Variants in DISP1 observed in about 807,000 individuals in gnomAD.
The protein encoded by DISP1 is protein dispatched homolog 1.
DISP1 carries 30 observed loss-of-function variants against 37.3 expected under a neutral mutation model. That is an observed-to-expected ratio of 0.80 (90% CI 0.60 to 1.09). DISP1 has a LOEUF of 1.09. Among genes scored for constraint, DISP1 ranks in the 50% least tolerant of loss-of-function variants. The pLI, the probability that DISP1 is intolerant of heterozygous loss-of-function variation, is 0.00. For missense variants in DISP1, 1,598 were observed against 1,879.5 expected, an observed-to-expected ratio of 0.85 and a Z score of 2.77; for synonymous variants, 634 against 690.2, an observed-to-expected ratio of 0.92 and a Z score of 1.28.
At chr1:222,907,950 A>C (rs1671995470) in intron 1 of DISP1, among the ~76,000 whole-genome samples, 1 of 152,150 alleles carries the variant, frequency 6.6e-6, no homozygotes, top group East Asian at 1.9e-4. Context: ...CTCCATCTCA[A>C]AATAAATAAA....
intron 3 of DISP1, among the ~76,000 whole-genome samples, chr1:222,977,244 GGCT>G (rs1259875096): frequency 6.6e-6 from 1 of 151,696 alleles, no homozygotes; most frequent in African/African-American, 2.4e-5. Context: ...ATGTTGGTCA[GGCT>G]GCTCTTGAAC....
chr1:222,868,525 T>G (rs1015397905), intron 1 of DISP1, among the ~76,000 whole-genome samples: 1 of 152,160 alleles, frequency 6.6e-6, no homozygotes, highest in Admixed American at 6.5e-5. Context: ...TATTAACTTT[T>G]TCTTCATTTA....
intron 4 of DISP1, chr1:222,989,665 T>A: frequency 1.5e-6 from 1 of 658,162 alleles, no homozygotes; most frequent in Non-Finnish European, 1.9e-6. Flanking sequence ...AGATGTTTGT[T>A]CATTTAGTCA....
chr1:222,989,583 G>A lies in DISP1; in HGVS notation c.540-1042G>A, dbSNP rs186978252. On this transcript the variant is annotated intron_variant, in intron 4 of 8. Coordinates refer to ENST00000675850, the MANE Select transcript of DISP1 (RefSeq NM_001377229.1). The stretch of plus-strand genomic sequence containing the variant: ...AGAAAGGGCCCAGTGTTAGGATTTG[G>A]TAATAGAGACAGTTCTGCACATGTG... The A allele has an allele frequency of 6.4e-5, 63 of 984,858 alleles. No homozygotes were observed. The African/African-American group carries it at 1.1e-3, about 17-fold the overall frequency. The allele number at this position is 984,858 out of a possible 1,614,324, so 61.0% of individuals were successfully genotyped here.
intron 1 of DISP1, among the ~76,000 whole-genome samples, chr1:222,887,854 CAG>C (rs1451738487): frequency 3.9e-5 from 6 of 152,142 alleles, no homozygotes; most frequent in Admixed American, 6.5e-5. Flanking sequence ...AGAATGGAAA[CAG>C]ATCTTTTGTC....
At chr1:222,900,940 A>G (rs1572462892) in intron 1 of DISP1, among the ~76,000 whole-genome samples, 2 of 152,306 alleles carry the variant, frequency 1.3e-5, no homozygotes, top group East Asian at 3.9e-4. Context: ...ATAAAAGCAT[A>G]TTTGTATGCT....
intron 4 of DISP1, among the ~76,000 whole-genome samples, chr1:222,986,165 A>G (rs1678261487): frequency 6.6e-6 from 1 of 152,178 alleles, no homozygotes; most frequent in African/African-American, 2.4e-5. Context: ...GCCAGGCTAT[A>G]AGGGGTTAAA....
chr1:222,909,339 C>T (rs1193679488), intron 1 of DISP1, among the ~76,000 whole-genome samples: 1 of 152,100 alleles, frequency 6.6e-6, no homozygotes, highest in African/African-American at 2.4e-5. Context: ...TTATGAATAA[C>T]CCAGGATTTA....
intron 2 of DISP1, among the ~76,000 whole-genome samples, chr1:222,941,159 T>C (rs1202368801): frequency 6.6e-6 from 1 of 152,224 alleles, no homozygotes; most frequent in African/African-American, 2.4e-5. Flanking sequence ...ATCACATTAG[T>C]GCTCTTGCCG....
chr1:222,994,577 G>T (rs138311413), intron 7 of DISP1, among the ~76,000 whole-genome samples: 2 of 152,200 alleles, frequency 1.3e-5, no homozygotes, highest in Admixed American at 1.3e-4. Flanking sequence ...TATTCAATTC[G>T]TTTCCTGTTG....
At chr1:222,971,959 TA>T (rs978550523) in intron 3 of DISP1, among the ~76,000 whole-genome samples, 3 of 152,126 alleles carry the variant, frequency 2.0e-5, no homozygotes, top group African/African-American at 7.2e-5. Flanking sequence ...AGGCTTAATG[TA>T]AGTTCCAAAA....
chr1:222,916,002 G>T (rs140528039), intron 1 of DISP1, among the ~76,000 whole-genome samples: 69 of 152,280 alleles, frequency 4.5e-4, no homozygotes, highest in Middle Eastern at 6.8e-3. Flanking sequence ...TTCATTATAA[G>T]ATTAGGTAGT....
chr1:222,998,401 T>C (rs949612573), intron 8 of DISP1, among the ~76,000 whole-genome samples: 15 of 152,026 alleles, frequency 9.9e-5, no homozygotes, highest in Non-Finnish European at 2.1e-4. Flanking sequence ...TGAGACCAGA[T>C]GTTTCAATTG....
chr1:222,989,910 C>T (rs773638121), intron 4 of DISP1, among the ~76,000 whole-genome samples: 4 of 151,728 alleles, frequency 2.6e-5, no homozygotes, highest in Non-Finnish European at 4.4e-5. Context: ...CCAAGTGATT[C>T]TCCTGCCTCA....
At chr1:222,874,567 T>G (rs1669837916) in intron 1 of DISP1, among the ~76,000 whole-genome samples, 1 of 152,218 alleles carries the variant, frequency 6.6e-6, no homozygotes. Flanking sequence ...CTGAGGCTTG[T>G]GCATTCGTCA....
At position 222,945,401 on chromosome 1, in the gene DISP1, T is replaced by C. The variant is rs912923538; in HGVS notation, c.509+2069T>C. Reference sequence around the variant, plus strand: ...CAGTTGATTATTAAATTATCATAAATATTGATGTTTCAAATAATAAATTAT... The same window carrying C: ...CAGTTGATTATTAAATTATCATAAACATTGATGTTTCAAATAATAAATTAT... On this transcript the variant is annotated intron_variant, in intron 3 of 8. Transcript: ENST00000675850. 2.0e-5 allele frequency among the ~76,000 whole-genome samples: 3 copies of C among 152,240 alleles called. No individual in the cohort carries two copies. In the East Asian group the frequency reaches 5.8e-4, roughly 29 times the overall value.
chr1:222,822,286 GGT>G (rs917248867), intron 1 of DISP1, among the ~76,000 whole-genome samples: 9 of 152,142 alleles, frequency 5.9e-5, no homozygotes, highest in African/African-American at 2.2e-4. Context: ...AGAGTGACAT[GGT>G]GTGTTTAGCT....
At chr1:222,847,613 T>C (rs960613268) in intron 1 of DISP1, among the ~76,000 whole-genome samples, 1 of 152,206 alleles carries the variant, frequency 6.6e-6, no homozygotes, top group Non-Finnish European at 1.5e-5. Flanking sequence ...TTTTTTTTTC[T>C]GGCCTTTTCC....
chr1:222,955,093 C>CT (rs4011733), intron 3 of DISP1, among the ~76,000 whole-genome samples: 2,786 of 144,268 alleles, frequency 0.019, 73 homozygotes, highest in African/African-American at 0.063. Context: ...CATTTTAAAG[C>CT]TTTTTTTTTT....
Sources: allele counts gnomAD v4.1 joint callset (sites outside exome capture counted in the v4.1 genomes callset), GRCh38; gene constraint gnomAD v4.1.1; transcripts MANE v1.5; gene names NCBI Gene and HGNC (gene_info 2026-07-23, HGNC 2026-07-21).